Variants in SV2B observed in about 807,000 individuals in gnomAD.
The protein encoded by SV2B is synaptic vesicle glycoprotein 2B, also known as solute carrier family 22 member B2.
Under a neutral mutation model 73.9 loss-of-function variants are expected in SV2B, and 41 were observed. The observed-to-expected ratio is 0.56, with a 90% CI of 0.43 to 0.72. The LOEUF is 0.72. Among genes scored for constraint, SV2B ranks in the 30% least tolerant of loss-of-function variants. The probability of loss-of-function intolerance (pLI) is 0.00; values close to 1 mark genes in which losing one functional copy is unlikely to be tolerated. For missense variants in SV2B, 764 were observed against 857.8 expected (o/e 0.89, Z 1.37); for synonymous variants, 314 against 314.2 (o/e 1.00, Z 0.01).
At chr15:91,134,623 G>A (rs1296119395) in intron 1 of SV2B, among the ~76,000 whole-genome samples, 1 of 152,210 alleles carries the variant, frequency 6.6e-6, no homozygotes, top group African/African-American at 2.4e-5. Flanking sequence ...GGAATGAAAT[G>A]TTTTGCTTAA....
chr15:91,260,856 C>T (rs920692112), intron 6 of SV2B, among the ~76,000 whole-genome samples: 1 of 152,146 alleles, frequency 6.6e-6, no homozygotes, highest in Non-Finnish European at 1.5e-5. Flanking sequence ...CCTGATAAAC[C>T]CATCAGATCT....
At chr15:91,163,704 T>G (rs1241205311) in intron 1 of SV2B, among the ~76,000 whole-genome samples, 1 of 152,214 alleles carries the variant, frequency 6.6e-6, no homozygotes, top group Non-Finnish European at 1.5e-5. Context: ...TTTCTCCCAT[T>G]CTGAAGGTTG....
At chr15:91,190,209 T>C (rs2044954752) in intron 1 of SV2B, among the ~76,000 whole-genome samples, 1 of 152,238 alleles carries the variant, frequency 6.6e-6, no homozygotes, top group African/African-American at 2.4e-5. Context: ...CATGTTGGTG[T>C]GCTGTGATTT....
intron 1 of SV2B, among the ~76,000 whole-genome samples, chr15:91,165,331 C>CA (rs981125336): frequency 4.0e-5 from 6 of 150,840 alleles, no homozygotes; most frequent in Admixed American, 6.6e-5. Context: ...GACTCTGTCT[C>CA]AAAAAAAAAT....
At chr15:91,209,854 G>C (rs530450296) in intron 1 of SV2B, among the ~76,000 whole-genome samples, 1 of 152,126 alleles carries the variant, frequency 6.6e-6, no homozygotes, top group Non-Finnish European at 1.5e-5. Context: ...ATCTTTCTTC[G>C]TTACTCCAGG....
chr15:91,260,311 T>A lies in SV2B; in HGVS notation c.919-9T>A. 6.2e-7 allele frequency: 1 copy of A among 1,604,728 alleles called. No homozygotes were observed. Among genetic ancestry groups the A allele is most frequent in the Non-Finnish European group, 8.5e-7 (1 of 1,177,356 alleles). ...GAATTTTTCCTGTGTCTTTCCTTGG[T>A]TTCACCAGATGGGCAAACATGATGA... On this transcript the variant is annotated splice_polypyrimidine_tract_variant and intron_variant, in intron 5 of 12. Coordinates refer to ENST00000394232, the MANE Select transcript of SV2B (RefSeq NM_001323032.3).
chr15:91,236,128 G>A lies in SV2B; in HGVS notation c.451+9414G>A, dbSNP rs1484060624. ...CATTGATTAAAGCAAGGATGTCTCA[G>A]GACATTCTGTCCACTTTGCCTGCAG... On this transcript the variant is annotated intron_variant, in intron 2 of 12. Coordinates refer to ENST00000394232, the MANE Select transcript of SV2B (RefSeq NM_001323032.3). The surrounding 1 kb of genome is among the most constrained non-coding windows in gnomAD (Gnocchi z 4.1). Among the ~76,000 whole-genome samples the A allele has an allele frequency of 6.6e-6, 1 of 152,258 alleles. No individual in the cohort carries two copies. Among genetic ancestry groups the A allele is most frequent in the East Asian group, 1.9e-4 (1 of 5,180 alleles).
At chr15:91,188,283 T>TTTTATTTATTTA (rs200076814) in intron 1 of SV2B, among the ~76,000 whole-genome samples, 26 of 144,156 alleles carry the variant, frequency 1.8e-4, no homozygotes, top group Non-Finnish European at 2.3e-4. Context: ...TGTTCCTTAT[T>TTTTATTTATTTA]TTTATTTATT....
rs1269391594 is a variant in SV2B at position 91,137,692 on chromosome 15, A to T, written c.-392+37329A>T. Among the ~76,000 whole-genome samples, 1 of 147,356 alleles carries T rather than the reference A, an allele frequency of 6.8e-6. No homozygotes were observed. Among genetic ancestry groups the T allele is most frequent in the Non-Finnish European group, 1.5e-5 (1 of 67,442 alleles). ...ATATTTCATATATATATACACACAC[A>T]CACACATTTGCACAGGTTATTAATT... On this transcript the variant is annotated intron_variant, in intron 1 of 12. Transcript: ENST00000394232. This position sits in a 1 kb window ranked among gnomAD's most constrained non-coding sequence, Gnocchi z 4.9.
At chr15:91,142,169 C>T (rs1046390255) in intron 1 of SV2B, among the ~76,000 whole-genome samples, 1 of 152,166 alleles carries the variant, frequency 6.6e-6, no homozygotes, top group Non-Finnish European at 1.5e-5. Flanking sequence ...ATTCTCAACC[C>T]CTGTTCCTGT....
chr15:91,237,893 A>T (rs1240793762), intron 2 of SV2B, among the ~76,000 whole-genome samples: 1 of 152,216 alleles, frequency 6.6e-6, no homozygotes, highest in Non-Finnish European at 1.5e-5. Context: ...TGGTTTTCCT[A>T]ATCGCTCTTA....
intron 1 of SV2B, among the ~76,000 whole-genome samples, chr15:91,186,223 T>C (rs977402746): frequency 6.6e-6 from 1 of 152,228 alleles, no homozygotes; most frequent in Non-Finnish European, 1.5e-5. Flanking sequence ...CCAAAGCTGG[T>C]AACTTCAGGG....
At position 91,227,001 on chromosome 15, in the gene SV2B, T is replaced by C. The variant is rs1324781260; in HGVS notation, c.451+287T>C. 6.6e-6 allele frequency among the ~76,000 whole-genome samples: 1 copy of C among 152,174 alleles called. No homozygotes were observed. The highest frequency in any genetic ancestry group is 1.5e-5 in the Non-Finnish European group (1 of 68,040). On this transcript the variant is annotated intron_variant, in intron 2 of 12. Transcript: ENST00000394232. The surrounding 1 kb of genome is among the most constrained non-coding windows in gnomAD (Gnocchi z 4.5). ...TTTCTTTCTTCTTCATGTTAAACCT[T>C]CTTCGATGTCCAAATGACAAATACA...
intron 11 of SV2B, among the ~76,000 whole-genome samples, chr15:91,285,457 C>T (rs76042854): frequency 0.013 from 2,054 of 152,250 alleles, 42 homozygotes; most frequent in African/African-American, 0.046. Context: ...CTGATCAGAA[C>T]GGAAGAAGAT....
intron 5 of SV2B, 57 bp from the exon 6 acceptor site, chr15:91,260,263 G>T: frequency 6.7e-7 from 1 of 1,494,744 alleles, no homozygotes; most frequent in South Asian, 1.2e-5. Context: ...CACCCCTAAT[G>T]AACAGAAGGC....
chr15:91,169,925 G>A lies in SV2B; in HGVS notation c.-391-55948G>A, dbSNP rs543364912. Among the ~76,000 whole-genome samples the A allele has an allele frequency of 2.7e-3, 406 of 152,254 alleles. 2 individuals carry two copies. The highest frequency in any genetic ancestry group is 9.1e-3 in the African/African-American group (377 of 41,544). ...TGTTTTCACTGGGAAAATCAGCGGC[G>A]CAAATAAGACTGCAAAAGCAATGTT... On this transcript the variant is annotated intron_variant, in intron 1 of 12. Transcript: ENST00000394232.
rs538646844 is a variant in SV2B at position 91,288,190 on chromosome 15, T to G, written c.1709-1331T>G. Among the ~76,000 whole-genome samples, 3 of 152,204 alleles carry G rather than the reference T, an allele frequency of 2.0e-5. No homozygotes were observed. Among genetic ancestry groups the G allele is most frequent in the Non-Finnish European group, 2.9e-5 (2 of 68,038 alleles). Reference sequence around the variant, plus strand: ...GCACCGCCTTTCTTCAGGTTTCCCTTCAATAGCCCATGTACAGGTGTGTTC... The same window carrying G: ...GCACCGCCTTTCTTCAGGTTTCCCTGCAATAGCCCATGTACAGGTGTGTTC... On this transcript the variant is annotated intron_variant, in intron 11 of 12. Transcript: ENST00000394232. This position sits in a 1 kb window ranked among gnomAD's most constrained non-coding sequence, Gnocchi z 5.8.
chr15:91,258,535 G>C lies in SV2B; in HGVS notation c.899G>C (p.Ser300Thr), dbSNP rs756720889. 3.7e-6 allele frequency: 6 copies of C among 1,614,032 alleles called. No individual in the cohort carries two copies. The South Asian group carries it at 6.6e-5, about 18-fold the overall frequency. ...SMVALKFMPESPRFLLEMGKH... is the reference protein window; with the variant it reads ...SMVALKFMPETPRFLLEMGKH... The stretch of plus-strand genomic sequence containing the variant: ...GTGGCCCTGAAGTTCATGCCAGAGA[G>C]CCCAAGGTTTCTGCTAGAGGTGAGT... Residue 300 changes from serine (S) to threonine (T), a missense_variant, in exon 5 of 13, where the codon AGC becomes ACC. Coordinates refer to ENST00000394232, the MANE Select transcript of SV2B (RefSeq NM_001323032.3). The surrounding 1 kb of genome is among the most constrained non-coding windows in gnomAD (Gnocchi z 4.7).
chr15:91,145,472 T>C (rs368685917), intron 1 of SV2B, among the ~76,000 whole-genome samples: 1 of 152,230 alleles, frequency 6.6e-6, no homozygotes, highest in Non-Finnish European at 1.5e-5. Flanking sequence ...GTTTTTATAA[T>C]AGAATGCTTT....
Sources: allele counts gnomAD v4.1 joint callset (sites outside exome capture counted in the v4.1 genomes callset), GRCh38; gene constraint gnomAD v4.1.1; non-coding constraint Gnocchi (gnomAD v3.1); transcripts MANE v1.5; gene names NCBI Gene and HGNC (gene_info 2026-07-23, HGNC 2026-07-21).